Variants in STK3 observed in about 807,000 individuals in gnomAD.
STK3 encodes the protein serine/threonine kinase 3, also known as serine/threonine-protein kinase 3.
In STK3, 41 loss-of-function variants were observed where a neutral mutation model predicts 58.0. The ratio of observed to expected loss-of-function variants is 0.71; its 90% CI spans 0.55 to 0.92. STK3 has a LOEUF of 0.92. Among genes scored for constraint, STK3 ranks in the 40% least tolerant of loss-of-function variants. The pLI is 0.00. For missense variants in STK3, 479 were observed against 602.7 expected, an observed-to-expected ratio of 0.79 and a Z score of 2.15; for synonymous variants, 170 against 191.0, an observed-to-expected ratio of 0.89 and a Z score of 0.91.
chr8:98,428,880 C>T lies in STK3; in HGVS notation n.483+5247G>A. 6.2e-7 allele frequency: 1 copy of T among 1,614,150 alleles called. No homozygotes were observed. The highest frequency in any genetic ancestry group is 8.5e-7 in the Non-Finnish European group (1 of 1,180,028). On this transcript the variant is annotated intron_variant and non_coding_transcript_variant, in intron 3 of 3. Coordinates refer to the STK3 transcript ENST00000517832. The surrounding 1 kb of genome is among the most constrained non-coding windows in gnomAD (Gnocchi z 6.7). ...GGTGGCCCAGGTCCTGAGGCTGATG[C>T]GGATCTTCCGCATCTTAAAGCTGGC...
chr8:98,715,256 G>A (rs1826900345), intron 4 of STK3, among the ~76,000 whole-genome samples: 1 of 152,076 alleles, frequency 6.6e-6, no homozygotes, highest in South Asian at 2.1e-4. Context: ...CAAAAGCAAT[G>A]GCAACGAAAG....
the STK3 span, among the ~76,000 whole-genome samples, chr8:98,344,574 G>A: frequency 6.6e-6 from 1 of 152,134 alleles, no homozygotes; most frequent in Non-Finnish European, 1.5e-5. Flanking sequence ...ATACATGGCT[G>A]GAGCACAGGA....
intron 3 of STK3, among the ~76,000 whole-genome samples, chr8:98,831,398 A>G (rs1835530256): frequency 6.6e-6 from 1 of 152,132 alleles, no homozygotes; most frequent in South Asian, 2.1e-4. Flanking sequence ...GACTATAGGC[A>G]TCCACCACCA....
At chr8:98,879,391 TTA>T (rs1394464588), downstream of STK3, 6 of 152,336 alleles carry the variant, frequency 3.9e-5, no homozygotes, top group African/African-American at 1.4e-4. Context: ...ACCACGGTTG[TTA>T]CTCTTTCACT....
chr8:98,825,917 G>C (rs912431949), upstream of STK3, among the ~76,000 whole-genome samples: 4 of 146,386 alleles, frequency 2.7e-5, no homozygotes, highest in African/African-American at 9.8e-5. Context: ...CAGAGAAGGT[G>C]GACGGAGCCG....
intron 8 of STK3, among the ~76,000 whole-genome samples, chr8:98,577,010 T>C (rs1813456862): frequency 1.3e-5 from 2 of 152,158 alleles, no homozygotes; most frequent in South Asian, 2.1e-4. Context: ...GGATATTAGG[T>C]ATATAAGCAA....
intron 6 of STK3, among the ~76,000 whole-genome samples, chr8:98,678,733 T>C (rs940683022): frequency 2.0e-5 from 3 of 152,214 alleles, no homozygotes; most frequent in Admixed American, 1.3e-4. Context: ...GCACAGTAGA[T>C]ACACAAAGTA....
At chr8:98,676,475 T>G (rs949702058) in intron 6 of STK3, among the ~76,000 whole-genome samples, 2 of 151,062 alleles carry the variant, frequency 1.3e-5, no homozygotes, top group African/African-American at 2.4e-5. Context: ...TAGCCAGGAG[T>G]GGTGGCACAT....
intron 3 of STK3, among the ~76,000 whole-genome samples, chr8:98,409,089 C>T (rs1818028554): frequency 6.6e-6 from 1 of 152,196 alleles, no homozygotes; most frequent in Non-Finnish European, 1.5e-5. Context: ...TGGAAATGGT[C>T]TCCTCAGCCC....
intron 10 of STK3, among the ~76,000 whole-genome samples, chr8:98,477,525 A>T (rs1201581769): frequency 6.6e-6 from 1 of 151,628 alleles, no homozygotes; most frequent in East Asian, 1.9e-4. Flanking sequence ...TCCTCTGCAA[A>T]TCCCACTCAT....
chr8:98,629,033 T>C (rs957988158), intron 6 of STK3, among the ~76,000 whole-genome samples: 2 of 152,156 alleles, frequency 1.3e-5, no homozygotes, highest in African/African-American at 2.4e-5. Context: ...TGTACAGTGA[T>C]AGTTTTTTAG....
chr8:98,428,014 C>T lies in STK3; in HGVS notation n.483+6113G>A. On this transcript the variant is annotated intron_variant and non_coding_transcript_variant, in intron 3 of 3. Coordinates refer to the STK3 transcript ENST00000517832. The surrounding 1 kb of genome is among the most constrained non-coding windows in gnomAD (Gnocchi z 6.7). ...CAGAGCCTGTGGGACGTGTCGGAGG[C>T]TAACGTCGAGGACGGGGAGATCCGC... 6.3e-7 allele frequency: 1 copy of T among 1,592,140 alleles called. No homozygotes were observed. Among genetic ancestry groups the T allele is most frequent in the Non-Finnish European group, 8.6e-7 (1 of 1,168,490 alleles).
intron 6 of STK3, among the ~76,000 whole-genome samples, chr8:98,609,521 A>C (rs1394459522): frequency 6.6e-6 from 1 of 152,198 alleles, no homozygotes; most frequent in Non-Finnish European, 1.5e-5. Context: ...GAAAGGTAAG[A>C]CTATGCGGAA....
At chr8:98,834,568 C>T (rs926674654) in intron 3 of STK3, among the ~76,000 whole-genome samples, 2 of 152,142 alleles carry the variant, frequency 1.3e-5, no homozygotes, top group Non-Finnish European at 2.9e-5. Flanking sequence ...GCTAGGAGGT[C>T]CAAGATCAAG....
chr8:98,760,935 T>C (rs2131408865), intron 3 of STK3, among the ~76,000 whole-genome samples: 1 of 152,258 alleles, frequency 6.6e-6, no homozygotes, highest in Admixed American at 6.5e-5. Flanking sequence ...AATTGTACCT[T>C]ACTTAAACAC....
chr8:98,661,828 G>A (rs1409412742), intron 6 of STK3, among the ~76,000 whole-genome samples: 3 of 151,700 alleles, frequency 2.0e-5, no homozygotes, highest in African/African-American at 7.3e-5. Flanking sequence ...ACCTTACTTT[G>A]TCTACCCCCA....
At chr8:98,610,315 T>C (rs534382143) in intron 6 of STK3, among the ~76,000 whole-genome samples, 2 of 152,316 alleles carry the variant, frequency 1.3e-5, no homozygotes, top group East Asian at 3.9e-4. Context: ...TACTAGTCAT[T>C]AGCAGTTTTT....
At position 98,454,967 on chromosome 8, in the gene STK3, G is replaced by T. The variant is rs1819386392; in HGVS notation, c.*875C>A. On this transcript the variant is annotated 3_prime_UTR_variant, in exon 11 of 11. Transcript: ENST00000419617. ...AGCACATTTTCATAGAAATGAAATTGATGAGCTTATTACAGTTTGAATCAG... is the reference window on the plus strand; with the variant it reads ...AGCACATTTTCATAGAAATGAAATTTATGAGCTTATTACAGTTTGAATCAG... 1 of 152,074 alleles carries T rather than the reference G, an allele frequency of 6.6e-6. No homozygotes were observed. Among genetic ancestry groups the T allele is most frequent in the Non-Finnish European group, 1.5e-5 (1 of 67,972 alleles). The allele number at this position is 152,074 out of a possible 1,614,324, so 9.4% of individuals were successfully genotyped here.
intron 3 of STK3, among the ~76,000 whole-genome samples, chr8:98,842,439 G>A (rs768351274): frequency 1.3e-5 from 2 of 152,216 alleles, no homozygotes; most frequent in Non-Finnish European, 2.9e-5. Context: ...ACTTTGGGAG[G>A]CTGAGGCAGG....
Sources: allele counts gnomAD v4.1 joint callset (sites outside exome capture counted in the v4.1 genomes callset), GRCh38; gene constraint gnomAD v4.1.1; non-coding constraint Gnocchi (gnomAD v3.1); transcripts MANE v1.5; gene names NCBI Gene and HGNC (gene_info 2026-07-23, HGNC 2026-07-21).